TBC1D15: variants seen among roughly 807,000 people sequenced by gnomAD.
The protein encoded by TBC1D15 is GAP for RAB7.
A neutral mutation model predicts 95.4 loss-of-function variants in TBC1D15; 39 were observed. That is an observed-to-expected ratio of 0.41 (90% CI 0.32 to 0.53). The LOEUF is 0.53. Ranked by LOEUF, TBC1D15 falls within the 20% of genes least tolerant of loss-of-function variation. TBC1D15 has a pLI of 0.29. For missense variants in TBC1D15, 733 were observed against 794.3 expected, an observed-to-expected ratio of 0.92 and a Z score of 0.93; for synonymous variants, 258 against 261.3, an observed-to-expected ratio of 0.99 and a Z score of 0.12.
intron 11 of TBC1D15, among the ~76,000 whole-genome samples, chr12:71,910,616 T>A (rs1385758057): frequency 1.3e-5 from 2 of 152,050 alleles, no homozygotes; most frequent in Non-Finnish European, 2.9e-5. Context: ...TTTATTCTCT[T>A]TGAAGCAATT....
intron 3 of TBC1D15, among the ~76,000 whole-genome samples, chr12:71,875,431 G>A (rs1013875445): frequency 1.3e-5 from 2 of 151,916 alleles, no homozygotes; most frequent in South Asian, 2.1e-4. Flanking sequence ...TGCTTTTGGC[G>A]TGTCATATCC....
At chr12:71,875,315 C>A (rs536594207) in intron 3 of TBC1D15, among the ~76,000 whole-genome samples, 21 of 152,066 alleles carry the variant, frequency 1.4e-4, no homozygotes, top group African/African-American at 4.8e-4. Context: ...CATTTTTTCC[C>A]GTATGGTGGA....
At chr12:71,855,942 T>TGG (rs201605083) in intron 1 of TBC1D15, among the ~76,000 whole-genome samples, 44 of 150,558 alleles carry the variant, frequency 2.9e-4, no homozygotes, top group Non-Finnish European at 5.0e-4. Context: ...GTGGTTTTTT[T>TGG]TGGGGGGGGG....
chr12:71,873,029 A>G (rs2138323232), intron 3 of TBC1D15, 26 bp downstream of exon 3: 4 of 1,469,108 alleles, frequency 2.7e-6, no homozygotes, highest in Non-Finnish European at 3.8e-6. Context: ...ATGTGTTACT[A>G]AGGGAATGCC....
At position 71,881,913 on chromosome 12, in the gene TBC1D15, T is replaced by C. The variant is rs945584252; in HGVS notation, c.343+1306T>C. Among the ~76,000 whole-genome samples, 5 of 105,220 alleles carry C rather than the reference T, an allele frequency of 4.8e-5. No homozygotes were observed. In the Admixed American group the frequency reaches 6.0e-4, roughly 13 times the overall value. 69.0% of individuals were successfully genotyped at this position (105,220 alleles called of 152,430 possible). On this transcript the variant is annotated intron_variant, in intron 4 of 16. Transcript: ENST00000485960. ...AGCCTGGCAACACAGCAAGACTCCG[T>C]CTCAAAAAAAAAAAAAAAAAAAAAA...
intron 1 of TBC1D15, chr12:71,849,171 A>G: frequency 3.6e-6 from 1 of 275,418 alleles, no homozygotes; most frequent in East Asian, 6.7e-5. Flanking sequence ...TATAAAAAAA[A>G]AAAAAAACAA....
intron 10 of TBC1D15, among the ~76,000 whole-genome samples, chr12:71,906,377 G>C (rs1017278754): frequency 6.6e-6 from 1 of 152,170 alleles, no homozygotes; most frequent in African/African-American, 2.4e-5. Context: ...CACTTAGTAG[G>C]CATCAGTGTT....
intron 10 of TBC1D15, among the ~76,000 whole-genome samples, chr12:71,900,742 G>T (rs1056348315): frequency 2.6e-5 from 4 of 152,118 alleles, no homozygotes; most frequent in Non-Finnish European, 4.4e-5. Context: ...TGGTATGTTA[G>T]TGATACATGC....
At chr12:71,920,105 CAG>C (rs1334881471) in intron 14 of TBC1D15, among the ~76,000 whole-genome samples, 2 of 151,982 alleles carry the variant, frequency 1.3e-5, no homozygotes, top group Non-Finnish European at 2.9e-5. Flanking sequence ...GTACATGAAG[CAG>C]GGGGAAATTA....
chr12:71,865,376 T>G (rs1046315944), intron 1 of TBC1D15, among the ~76,000 whole-genome samples: 9 of 151,982 alleles, frequency 5.9e-5, no homozygotes, highest in Non-Finnish European at 1.0e-4. Flanking sequence ...CTTTGAAGGT[T>G]TGGGCCTGGG....
chr12:71,893,671 C>T (rs552281692), intron 6 of TBC1D15, among the ~76,000 whole-genome samples: 6 of 151,824 alleles, frequency 4.0e-5, no homozygotes, highest in Admixed American at 1.3e-4. Context: ...CATTAATGAT[C>T]GGTTTAGGCA....
chr12:71,878,630 T>A (rs1314870036), intron 3 of TBC1D15, among the ~76,000 whole-genome samples: 1 of 151,600 alleles, frequency 6.6e-6, no homozygotes, highest in Non-Finnish European at 1.5e-5. Context: ...ATTCTGGTGC[T>A]CCAGCCTCCC....
chr12:71,884,882 A>C lies in TBC1D15; in HGVS notation c.415A>C (p.Lys139Gln), dbSNP rs1400134632. ...CAGTTTGACAGACCTGAAATCAATC[A>C]AGCAAAACAAAGAGGGTATGGGCTG... ...LFSLTDLKSI[K>Q]QNKEGMGWSY... Residue 139 changes from lysine to glutamine, a missense_variant, in exon 5 of 17, where the codon AAG becomes CAG. Lys to Gln is a moderately conservative substitution (Grantham distance 53). Transcript: ENST00000485960. The C allele has an allele frequency of 6.2e-7, 1 of 1,613,944 alleles. No individual in the cohort carries two copies. Among genetic ancestry groups the C allele is most frequent in the Non-Finnish European group, 8.5e-7 (1 of 1,179,954 alleles).
chr12:71,869,074 A>T (rs1354475699), intron 1 of TBC1D15, among the ~76,000 whole-genome samples: 1 of 152,246 alleles, frequency 6.6e-6, no homozygotes, highest in Non-Finnish European at 1.5e-5. Flanking sequence ...TTAGATGAAC[A>T]TATTTGTCAT....
At chr12:71,852,028 A>G (rs1432700928) in intron 1 of TBC1D15, among the ~76,000 whole-genome samples, 1 of 152,206 alleles carries the variant, frequency 6.6e-6, no homozygotes, top group Non-Finnish European at 1.5e-5. Flanking sequence ...CTGCCCCTGC[A>G]TCAGGGTTCT....
At chr12:71,846,032 A>C (rs910572933) in intron 1 of TBC1D15, among the ~76,000 whole-genome samples, 3 of 152,204 alleles carry the variant, frequency 2.0e-5, no homozygotes, top group Non-Finnish European at 2.9e-5. Flanking sequence ...TGGATTGTGC[A>C]AAAGTTCATT....
chr12:71,858,049 T>C (rs1199725024), intron 1 of TBC1D15, among the ~76,000 whole-genome samples: 3 of 152,184 alleles, frequency 2.0e-5, no homozygotes, highest in Non-Finnish European at 4.4e-5. Flanking sequence ...TAGTATACCA[T>C]TGTGCATATA....
chr12:71,897,623 G>C (rs1898463575), intron 9 of TBC1D15, among the ~76,000 whole-genome samples: 1 of 151,914 alleles, frequency 6.6e-6, no homozygotes, highest in Non-Finnish European at 1.5e-5. Flanking sequence ...TCTAGTAGTT[G>C]AACAAAGTTT....
chr12:71,873,501 T>C (rs896506188), intron 3 of TBC1D15, among the ~76,000 whole-genome samples: 1 of 152,190 alleles, frequency 6.6e-6, no homozygotes, highest in Non-Finnish European at 1.5e-5. Flanking sequence ...TGTTTTCACT[T>C]TGGGGCTAAT....
Sources: gnomAD v4.1 joint callset for allele counts (sites outside exome capture counted in the v4.1 genomes callset) on GRCh38, gnomAD v4.1.1 for gene constraint, MANE v1.5 for transcripts, NCBI Gene and HGNC (gene_info 2026-07-23, HGNC 2026-07-21) for gene names.